Variants in TASP1 observed in about 807,000 individuals in gnomAD.
The protein encoded by TASP1 is threonine aspartase 1.
Under a neutral mutation model 56.6 loss-of-function variants are expected in TASP1, and 16 were observed. The ratio of observed to expected loss-of-function variants is 0.28; its 90% confidence interval spans 0.19 to 0.43. The LOEUF (loss-of-function observed/expected upper bound fraction) is 0.43, where lower values mean the gene tolerates loss of function less well. Among genes scored for constraint, TASP1 ranks in the 20% least tolerant of loss-of-function variants. The pLI is 1.00. For synonymous variants in TASP1, 179 were observed against 184.2 expected, an observed-to-expected ratio of 0.97 and a Z score of 0.23; for missense variants, 393 against 511.6, an observed-to-expected ratio of 0.77 and a Z score of 2.24.
the TASP1 span, among the ~76,000 whole-genome samples, chr20:13,303,519 G>A: frequency 6.6e-6 from 1 of 152,190 alleles, no homozygotes; most frequent in Non-Finnish European, 1.5e-5. Flanking sequence ...GTAGAGCTCA[G>A]GGGCAACATA....
At chr20:13,348,613 C>T in the TASP1 span, among the ~76,000 whole-genome samples, 1 of 152,200 alleles carries the variant, frequency 6.6e-6, no homozygotes, top group South Asian at 2.1e-4. Context: ...TAGCTGCTGA[C>T]ACCACTGTAT....
intron 11 of TASP1, among the ~76,000 whole-genome samples, chr20:13,447,974 T>G (rs2043473495): frequency 6.6e-6 from 1 of 152,162 alleles, no homozygotes; most frequent in African/African-American, 2.4e-5. Context: ...TTTTTAATGC[T>G]TATGTAATCA....
intron 13 of TASP1, among the ~76,000 whole-genome samples, chr20:13,395,913 G>A (rs1170529515): frequency 6.6e-6 from 1 of 151,730 alleles, no homozygotes; most frequent in Admixed American, 6.6e-5. Flanking sequence ...ATGTTAGCCA[G>A]GATGGTCTCG....
the TASP1 span, among the ~76,000 whole-genome samples, chr20:13,226,236 C>T: frequency 5.1e-4 from 77 of 152,326 alleles, no homozygotes; most frequent in African/African-American, 1.8e-3. Flanking sequence ...TTCAGTAAAA[C>T]AGCTTAGCTT....
At chr20:13,534,830 C>T (rs988465465) in intron 8 of TASP1, among the ~76,000 whole-genome samples, 1 of 152,206 alleles carries the variant, frequency 6.6e-6, no homozygotes, top group Non-Finnish European at 1.5e-5. Flanking sequence ...CTATGAGCCG[C>T]TGTCTCCTAC....
rs540899069 is a variant in TASP1 at position 13,461,623 on chromosome 20, G to T, written c.985+21604C>A. 2.6e-5 allele frequency among the ~76,000 whole-genome samples: 4 copies of T among 152,258 alleles called. No homozygotes were observed. The South Asian group carries it at 8.3e-4, about 32-fold the overall frequency. On this transcript the variant is annotated intron_variant, in intron 11 of 13. Transcript: ENST00000337743. ...ACAACTACTCAACTCTGCCATTGTA[G>T]CACGAAAGCAGTTATGGACTGTATG...
At chr20:13,491,180 C>T (rs1186943446) in intron 10 of TASP1, among the ~76,000 whole-genome samples, 1 of 152,120 alleles carries the variant, frequency 6.6e-6, no homozygotes, top group Non-Finnish European at 1.5e-5. Flanking sequence ...CTATCATTAT[C>T]AAAACAAAAC....
intron 10 of TASP1, among the ~76,000 whole-genome samples, chr20:13,509,512 CTA>C (rs1010834932): frequency 6.6e-6 from 1 of 152,148 alleles, no homozygotes; most frequent in African/African-American, 2.4e-5. Flanking sequence ...AAAAAGGTAA[CTA>C]TGTGAGTTGA....
the TASP1 span, among the ~76,000 whole-genome samples, chr20:13,156,729 T>C: frequency 4.6e-5 from 7 of 152,220 alleles, no homozygotes; most frequent in Non-Finnish European, 8.8e-5. Context: ...AAGCACTTAA[T>C]ATAGTAGTTG....
At chr20:13,553,180 A>C (rs1232259484) in intron 8 of TASP1, among the ~76,000 whole-genome samples, 1 of 152,120 alleles carries the variant, frequency 6.6e-6, no homozygotes, top group East Asian at 1.9e-4. Flanking sequence ...CCTAGCCTCA[A>C]GTGATCCTCT....
At chr20:13,135,657 A>G in the TASP1 span, among the ~76,000 whole-genome samples, 1 of 152,250 alleles carries the variant, frequency 6.6e-6, no homozygotes, top group Non-Finnish European at 1.5e-5. Context: ...ATATTTTAGA[A>G]TTTTTGTGTA....
the TASP1 span, among the ~76,000 whole-genome samples, chr20:13,272,592 G>C: frequency 6.6e-6 from 1 of 152,178 alleles, no homozygotes; most frequent in Non-Finnish European, 1.5e-5. Context: ...TATTTTGGAG[G>C]TCACTCTTTG....
At chr20:13,510,535 T>A (rs2044289697) in intron 10 of TASP1, among the ~76,000 whole-genome samples, 3 of 152,246 alleles carry the variant, frequency 2.0e-5, no homozygotes, top group Admixed American at 6.5e-5. Context: ...AAAAGATGCA[T>A]GGTTTTGGTA....
chr20:13,501,369 A>G (rs2043940897), intron 10 of TASP1, among the ~76,000 whole-genome samples: 1 of 152,034 alleles, frequency 6.6e-6, no homozygotes, highest in African/African-American at 2.4e-5. Flanking sequence ...TTTTTAAAAG[A>G]CAACTGAATA....
chr20:13,394,307 CAAAAA>C (rs57418361), intron 13 of TASP1, among the ~76,000 whole-genome samples: 2 of 42,944 alleles, frequency 4.7e-5, no homozygotes, highest in Admixed American at 5.9e-4. Flanking sequence ...CACTCCCTCT[CAAAAA>C]AAAAAAAAAA....
chr20:13,559,665 G>A (rs752227652), intron 7 of TASP1, among the ~76,000 whole-genome samples: 9 of 152,192 alleles, frequency 5.9e-5, no homozygotes, highest in Middle Eastern at 6.8e-3. Context: ...GGACTAATGC[G>A]GGCATTTAGA....
chr20:13,529,159 C>T (rs2146862934), intron 9 of TASP1, among the ~76,000 whole-genome samples: 1 of 152,196 alleles, frequency 6.6e-6, no homozygotes, highest in South Asian at 2.1e-4. Flanking sequence ...AGAAAGGAGG[C>T]AAAAAGGCCT....
At chr20:13,438,840 G>T (rs1043335521) in intron 11 of TASP1, among the ~76,000 whole-genome samples, 8 of 152,134 alleles carry the variant, frequency 5.3e-5, no homozygotes, top group Admixed American at 5.2e-4. Flanking sequence ...CAAAAAGTGG[G>T]CAAAGGATAT....
At chr20:13,480,273 C>A (rs1044357993) in intron 11 of TASP1, among the ~76,000 whole-genome samples, 3 of 152,184 alleles carry the variant, frequency 2.0e-5, no homozygotes, top group Admixed American at 2.0e-4. Flanking sequence ...ACCAATGAGA[C>A]GGACACAAAG....
Sources: gnomAD v4.1 joint callset for allele counts (sites outside exome capture counted in the v4.1 genomes callset) on GRCh38, gnomAD v4.1.1 for gene constraint, MANE v1.5 for transcripts, NCBI Gene and HGNC (gene_info 2026-07-23, HGNC 2026-07-21) for gene names.